Variants in MAMDC4 observed in about 807,000 individuals in gnomAD.
MAMDC4 encodes the protein MAM domain containing 4.
In MAMDC4, 168 loss-of-function variants were observed where a neutral mutation model predicts 153.3. That is an observed-to-expected ratio of 1.10 (90% CI 0.97 to 1.25). The LOEUF is 1.25. MAMDC4 is among the 50% of genes most tolerant of loss of function. MAMDC4 has a pLI of 0.00. For missense variants in MAMDC4, 1,701 were observed against 1,542.8 expected (o/e 1.10, Z -1.72); for synonymous variants, 744 against 651.5 (o/e 1.14, Z -2.16).
rs1163282918 is a variant in MAMDC4, at chr9:136,855,264, C to A, written c.1208C>A (p.Ala403Asp). The change falls in exon 11 of 27, where the codon GCC becomes GAC. Residue 403 changes from alanine to aspartate, a missense_variant. Ala to Asp is a moderately radical substitution (Grantham distance 126). Transcript: ENST00000317446. The part of the protein sequence containing the change: ...QSAYPFQILL[A>D]GQTGPGGVVG... ...CCCCTCTGCCCTCAGATCCTCCTGGCCGGGCAGACAGGCCCGGGGGGCGTC... is the reference window on the plus strand; with the variant it reads ...CCCCTCTGCCCTCAGATCCTCCTGGACGGGCAGACAGGCCCGGGGGGCGTC... The A allele has an allele frequency of 1.3e-6, 2 of 1,596,940 alleles. No homozygotes were observed. Among genetic ancestry groups the A allele is most frequent in the East Asian group, 2.2e-5 (1 of 44,758 alleles).
rs1156313009 is a variant in MAMDC4 at position 136,859,887 on chromosome 9, G to A, written c.3195G>A (p.Gly1065=). 1.9e-6 allele frequency: 3 copies of A among 1,611,578 alleles called. No homozygotes were observed. Among genetic ancestry groups the A allele is most frequent in the South Asian group, 1.1e-5 (1 of 91,002 alleles). The change falls in exon 26 of 27, where the codon GGG becomes GGA. Residue 1065 remains glycine (G), a splice_region_variant and synonymous_variant. Coordinates refer to ENST00000317446, the MANE Select transcript of MAMDC4 (RefSeq NM_206920.3). ...CTCACATGTCCCTATGGCCCACAGG[G>A]AACACAGCCGCACCCGGGTCTGTGC... ...QHCQQPAPSP[G]NTAAPGSVPA... is the part of the protein sequence containing the mutation.
At position 136,855,775 on chromosome 9, in the gene MAMDC4, C is replaced by T. The variant is rs778576073; in HGVS notation, c.1515C>T (p.Asp505=). 9.6e-6 allele frequency: 15 copies of T among 1,564,606 alleles called. No homozygotes were observed. The Admixed American group carries it at 1.9e-4, about 20-fold the overall frequency. ...CCCCCGAGGCTGGGGGCTGGGAGGA[C>T]GCCAGCGTGGGGCGGCTGCAGTGGC... The part of the protein sequence containing the change: ...FESPEAGGWE[D]ASVGRLQWRR... The change falls in exon 13 of 27, where the codon GAC becomes GAT. Residue 505 remains aspartate (D), a synonymous_variant. Coordinates refer to ENST00000317446, the MANE Select transcript of MAMDC4 (RefSeq NM_206920.3).
In MAMDC4 at chr9:136,857,661, C is replaced by T; in HGVS notation, c.2329C>T (p.His777Tyr). 1 of 1,612,578 alleles carries T rather than the reference C, an allele frequency of 6.2e-7. No individual in the cohort carries two copies. Among genetic ancestry groups the T allele is most frequent in the South Asian group, 1.1e-5 (1 of 91,076 alleles). Residue 777 changes from histidine to tyrosine, a missense_variant and splice_region_variant, in exon 19 of 27, where the codon CAC becomes TAC. By Grantham distance (83) the His-to-Tyr change is moderately conservative. Transcript: ENST00000317446. ...CAGGCTGATGCTGGCACCTCCAGGG[C>T]ACTACATGGTGGTGGACACAAGCCC... ...TDHTTETAQG[H>Y]YMVVDTSPDA...
rs759313529 is a variant in MAMDC4, at chr9:136,855,490, C to A, written c.1342C>A (p.Pro448Thr). ...CCGGGCCCCAGCCCCCCAGCCCCTG[C>A]CGCCCAGCTCGCGGCTCCAGGATTC... ...GPRAPAPQPL[P>T]PSSRLQDSCK... Residue 448 changes from proline to threonine, a missense_variant, in exon 12 of 27, where the codon CCG (proline) becomes ACG (threonine). Pro to Thr is a conservative substitution (Grantham distance 38). Coordinates refer to ENST00000317446, the MANE Select transcript of MAMDC4 (RefSeq NM_206920.3). 3 of 1,599,620 alleles carry A rather than the reference C, an allele frequency of 1.9e-6. No homozygotes were observed. The highest frequency in any genetic ancestry group is 1.7e-5 in the Admixed American group (1 of 58,476).
At chr9:136,856,567 G>A in intron 14 of MAMDC4, 143 bp from the exon 15 acceptor site, 1 of 842,624 alleles carries the variant, frequency 1.2e-6, no homozygotes, top group South Asian at 1.3e-5. Flanking sequence ...ACCACCGAGA[G>A]AGACAGAGGT....
At position 136,860,740 on chromosome 9, in the gene MAMDC4, T is replaced by A. The variant is rs1231453230; in HGVS notation, c.*137T>A. On this transcript the variant is annotated 3_prime_UTR_variant, in exon 27 of 27. Coordinates refer to ENST00000317446, the MANE Select transcript of MAMDC4 (RefSeq NM_206920.3). ...GATATGCTGAGGCCTGGGCGTTCCC[T>A]GCCCTGTGCTGACTCTGTTGCTCTG... is the stretch of plus-strand genomic sequence containing the variant. 12 of 869,522 alleles carry A rather than the reference T, an allele frequency of 1.4e-5. No homozygotes were observed. The highest frequency in any genetic ancestry group is 9.6e-5 in the Admixed American group (4 of 41,780). 53.9% of individuals were successfully genotyped at this position (869,522 alleles called of 1,614,324 possible).
rs780629133 is a variant in MAMDC4, at chr9:136,857,375, C to A, written c.2115C>A (p.Phe705Leu). 1.2e-6 allele frequency: 2 copies of A among 1,608,010 alleles called. No individual in the cohort carries two copies. Among genetic ancestry groups the A allele is most frequent in the East Asian group, 2.2e-5 (1 of 44,862 alleles). ...ACACCCTCCACCCCCAGCTGCTGTT[C>A]GAGGGCCTCCGGGACGGATACCACG... is the stretch of plus-strand genomic sequence containing the variant. The part of the protein sequence containing the change: ...PGSHAQYQLL[F>L]EGLRDGYHGT... Residue 705 changes from phenylalanine to leucine, a missense_variant, in exon 18 of 27, where the codon TTC becomes TTA. Phe to Leu is a conservative substitution (Grantham distance 22, BLOSUM62 0). Coordinates refer to ENST00000317446, the MANE Select transcript of MAMDC4 (RefSeq NM_206920.3).
rs1397523881 is a variant in MAMDC4, at chr9:136,859,937, T to C, written c.3245T>C (p.Leu1082Pro). The C allele has an allele frequency of 6.2e-7, 1 of 1,612,978 alleles. No homozygotes were observed. Among genetic ancestry groups the C allele is most frequent in the Non-Finnish European group, 8.5e-7 (1 of 1,179,942 alleles). The change falls in exon 26 of 27, where the codon CTA (leucine) becomes CCA (proline). Residue 1082 changes from leucine to proline, a missense_variant. Physicochemically the swap from Leu to Pro is moderately conservative, Grantham distance 98 (BLOSUM62 -3). Transcript: ENST00000317446. ...CCAGCTGTGGTTGGCAGTGCCCTCC[T>C]ATTGCTCATGCTCCTGGTGCTGCTG... ...SVPAVVGSALLLLMLLVLLGL... is the reference protein window; with the variant it reads ...SVPAVVGSALPLLMLLVLLGL...
In MAMDC4 at chr9:136,853,897, G is replaced by T. The variant is rs1848964367; in HGVS notation, c.575G>T (p.Gly192Val). 6.2e-7 allele frequency: 1 copy of T among 1,612,674 alleles called. No homozygotes were observed. Among genetic ancestry groups the T allele is most frequent in the Non-Finnish European group, 8.5e-7 (1 of 1,179,820 alleles). The change falls in exon 5 of 27, where the codon GGT becomes GTT. Residue 192 changes from glycine (G) to valine (V), a missense_variant. Transcript: ENST00000317446. ...GCAGTGACCACAGGCCGCATCCGGG[G>T]TGACTTCCGAGTGAGCTGGGAGGGT... is the stretch of plus-strand genomic sequence containing the variant. ...ELAVTTGRIR[G>V]DFRVTFSATR...
chr9:136,852,363 G>A lies in MAMDC4; in HGVS notation c.-54G>A, dbSNP rs372826457. ...GCGGGGCCAGCGCAGGCTGATAACC[G>A]CACGGAACTTCCCAGGCACCCTGTG... On this transcript the variant is annotated 5_prime_UTR_variant, in exon 1 of 27. Transcript: ENST00000317446. 232 of 1,598,860 alleles carry A rather than the reference G, an allele frequency of 1.5e-4. No individual in the cohort carries two copies. In the African/African-American group the frequency reaches 2.5e-3, roughly 17 times the overall value.
Position 136,860,561 on chromosome 9 carries a change from G to A in MAMDC4, c.3373-1G>A. On this transcript the variant is annotated splice_acceptor_variant, in intron 26 of 26. Transcript: ENST00000317446. LOFTEE classifies it high-confidence loss of function. ...AAAAAAGCTCCTCTTCCTCCTCCTA[G>A]GATGGTGTCACCCTCCCGGCATCTG... The A allele has an allele frequency of 6.2e-7, 1 of 1,612,246 alleles. No individual in the cohort carries two copies. Among genetic ancestry groups the A allele is most frequent in the Admixed American group, 1.7e-5 (1 of 59,974 alleles).
rs138991199 is a variant in MAMDC4, at chr9:136,856,048, G to C, written c.1619G>C (p.Gly540Ala). 4.3e-4 allele frequency: 691 copies of C among 1,612,154 alleles called. No individual in the cohort carries two copies. Among genetic ancestry groups the C allele is most frequent in the Non-Finnish European group, 5.6e-4 (662 of 1,179,808 alleles). The change falls in exon 14 of 27, where the codon GGG (glycine) becomes GCG (alanine). Residue 540 changes from glycine (G) to alanine (A), a missense_variant. Physicochemically the swap from Gly to Ala is moderately conservative, Grantham distance 60. Transcript: ENST00000317446. ...GHFLSLQRAW[G>A]QLGAEARVLT... The stretch of plus-strand genomic sequence containing the variant: ...TTCCTGTCTCTGCAGCGGGCCTGGG[G>C]GCAGCTAGGCGCTGAGGCCCGGGTC...
Position 136,860,609 on chromosome 9 carries a change from C to G in MAMDC4, c.*6C>G. The G allele has an allele frequency of 1.9e-6, 3 of 1,613,342 alleles. No homozygotes were observed. The highest frequency in any genetic ancestry group is 2.5e-6 in the Non-Finnish European group (3 of 1,179,868). On this transcript the variant is annotated 3_prime_UTR_variant, in exon 27 of 27. Coordinates refer to ENST00000317446, the MANE Select transcript of MAMDC4 (RefSeq NM_206920.3). ...CTGTCACCAGTGATCCGTAGACCAC[C>G]CCAGACAAGGCCCCGCTTCCTCACG... is the stretch of plus-strand genomic sequence containing the variant.
At chr9:136,858,874 G>A in intron 23 of MAMDC4, 21 bp downstream of exon 23, 1 of 1,596,712 alleles carries the variant, frequency 6.3e-7, no homozygotes, top group East Asian at 2.2e-5. Flanking sequence ...CTGGGCCAAT[G>A]GGTGCCTGGG....
Position 136,853,143 on chromosome 9 carries a change from A to C in MAMDC4, c.88A>C (p.Ser30Arg). 1 of 1,612,742 alleles carries C rather than the reference A, an allele frequency of 6.2e-7. No individual in the cohort carries two copies. The highest frequency in any genetic ancestry group is 8.5e-7 in the Non-Finnish European group (1 of 1,179,940). Residue 30 changes from serine (S) to arginine (R), a missense_variant, in exon 2 of 27, where the codon AGC (serine) becomes CGC (arginine). By Grantham distance (110) the Ser-to-Arg change is moderately radical (BLOSUM62 -1). Coordinates refer to ENST00000317446, the MANE Select transcript of MAMDC4 (RefSeq NM_206920.3). ...GWAWVPNHCR[S>R]PGQAVCNFVC... ...GGCCTGGGTCCCCAACCACTGCAGG[A>C]GCCCTGGCCAGGCCGTGTGCAACTT...
Position 136,856,022 on chromosome 9 carries a change from C to T in MAMDC4, c.1593C>T (p.His531=). The T allele has an allele frequency of 6.2e-7, 1 of 1,610,756 alleles. No homozygotes were observed. The highest frequency in any genetic ancestry group is 1.3e-5 in the African/African-American group (1 of 75,008). ...AGCACCATGCTCTTCCCCTAGGGCA[C>T]TTCCTGTCTCTGCAGCGGGCCTGGG... ...SQGSSAAAAG[H]FLSLQRAWGQ... is the part of the protein sequence containing the mutation. Residue 531 remains histidine, a synonymous_variant, in exon 14 of 27, where the codon CAC becomes CAT. Transcript: ENST00000317446.
chr9:136,857,587 G>T lies in MAMDC4; in HGVS notation c.2326+1G>T, dbSNP rs144453285. 1 of 1,612,480 alleles carries T rather than the reference G, an allele frequency of 6.2e-7. No individual in the cohort carries two copies. Among genetic ancestry groups the T allele is most frequent in the East Asian group, 2.2e-5 (1 of 44,884 alleles). ...GACCATACCACTGAGACAGCCCAAGGTATGGGGGCCTGGCAGGGGCAGGGA... is the reference window on the plus strand; with the variant it reads ...GACCATACCACTGAGACAGCCCAAGTTATGGGGGCCTGGCAGGGGCAGGGA... On this transcript the variant is annotated splice_donor_variant, in intron 18 of 26. Coordinates refer to ENST00000317446, the MANE Select transcript of MAMDC4 (RefSeq NM_206920.3). LOFTEE classifies it high-confidence loss of function.
Position 136,852,874 on chromosome 9 carries a change from C to T in MAMDC4, c.47-228C>T, listed in dbSNP as rs111941156. 6.5e-3 allele frequency among the ~76,000 whole-genome samples: 996 copies of T among 152,308 alleles called. 9 individuals carry two copies. The highest frequency in any genetic ancestry group is 0.022 in the African/African-American group (916 of 41,558). ...TACCTTTCTTGGGGTGCCCCATGGCCGGGTCCCCCTCCCCAGCCTCTTCAG... is the reference window on the plus strand; with the variant it reads ...TACCTTTCTTGGGGTGCCCCATGGCTGGGTCCCCCTCCCCAGCCTCTTCAG... On this transcript the variant is annotated intron_variant, in intron 1 of 26. Coordinates refer to ENST00000317446, the MANE Select transcript of MAMDC4 (RefSeq NM_206920.3).
At position 136,854,523 on chromosome 9, in the gene MAMDC4, C is replaced by T. The variant is rs1177776105; in HGVS notation, c.797-16C>T. 3 of 1,596,978 alleles carry T rather than the reference C, an allele frequency of 1.9e-6. No individual in the cohort carries two copies. The highest frequency in any genetic ancestry group is 2.2e-5 in the South Asian group (2 of 89,050). On this transcript the variant is annotated splice_polypyrimidine_tract_variant and intron_variant, in intron 7 of 26. Coordinates refer to ENST00000317446, the MANE Select transcript of MAMDC4 (RefSeq NM_206920.3). Reference sequence around the variant, plus strand: ...GCACTGCCTGGTGGCCCTGACACGCCCACCTCCTGCCCTAGGCCGCCACAT... The same window carrying T: ...GCACTGCCTGGTGGCCCTGACACGCTCACCTCCTGCCCTAGGCCGCCACAT...
Sources: allele counts gnomAD v4.1 joint callset (sites outside exome capture counted in the v4.1 genomes callset), GRCh38; gene constraint gnomAD v4.1.1; transcripts MANE v1.5; gene names NCBI Gene and HGNC (gene_info 2026-07-23, HGNC 2026-07-21).